The following ANK1 variants were observed in gnomAD, a reference collection of about 807,000 sequenced individuals.
ANK1 encodes the protein ankyrin-1.
Under a neutral mutation model 210.4 loss-of-function variants are expected in ANK1, and 51 were observed. That is an observed-to-expected ratio of 0.24 (90% CI 0.19 to 0.31). The LOEUF (loss-of-function observed/expected upper bound fraction) is 0.31, where lower values mean the gene tolerates loss of function less well. Ranked by LOEUF, ANK1 falls within the 10% of genes least tolerant of loss-of-function variation. ANK1 has a pLI of 1.00. For missense variants in ANK1, 2,051 were observed against 2,504.4 expected, an observed-to-expected ratio of 0.82 and a Z score of 3.86; for synonymous variants, 967 against 1,025.9, an observed-to-expected ratio of 0.94 and a Z score of 1.10.
At chr8:41,893,781 A>G (rs4737021) in intron 1 of ANK1, among the ~76,000 whole-genome samples, 99,565 of 152,166 alleles carry the variant, frequency 0.65, 34,793 homozygotes, top group African/African-American at 0.91. Context: ...AGAAACGGAA[A>G]CTGGGTCCAC....
At chr8:41,709,339 G>C (rs557587288) in intron 16 of ANK1, among the ~76,000 whole-genome samples, 128 of 152,338 alleles carry the variant, frequency 8.4e-4, no homozygotes, top group Non-Finnish European at 1.6e-3. Context: ...TAAAGAAAAA[G>C]AAACATCAGC....
At chr8:41,702,240 G>T in intron 20 of ANK1, 96 bp from the exon 21 acceptor site, 1 of 1,019,994 alleles carries the variant, frequency 9.8e-7, no homozygotes, top group Non-Finnish European at 1.5e-6. Flanking sequence ...CCTTCTAGTT[G>T]TTCAGGAGGA....
chr8:41,818,637 C>CTTCT (rs201710157), intron 1 of ANK1, among the ~76,000 whole-genome samples: 9 of 150,186 alleles, frequency 6.0e-5, no homozygotes, highest in Middle Eastern at 3.4e-3. Context: ...CTTTTTCTTT[C>CTTCT]TTCTTTCTTT....
chr8:41,721,840 C>A (rs562183647), intron 9 of ANK1, among the ~76,000 whole-genome samples: 2 of 152,072 alleles, frequency 1.3e-5, no homozygotes, highest in Non-Finnish European at 2.9e-5. Context: ...AAAGGTTGTA[C>A]GATAGTTCCC....
Position 41,686,276 on chromosome 8 carries a change from G to C in ANK1, c.4266C>G (p.Ala1422=), listed in dbSNP as rs1817656485. The C allele has an allele frequency of 6.2e-7, 1 of 1,613,648 alleles. No individual in the cohort carries two copies. Among genetic ancestry groups the C allele is most frequent in the Admixed American group, 1.7e-5 (1 of 60,014 alleles). The change falls in exon 36 of 43, where the codon GCC becomes GCG. Residue 1422 remains alanine (A), a synonymous_variant. Coordinates refer to ENST00000289734, the MANE Select transcript of ANK1 (RefSeq NM_000037.4). ...EHLGLSWAEL[A]RELQFSVEDI... The stretch of plus-strand genomic sequence containing the variant: ...CTTCCACACTGAACTGCAGCTCCCG[G>C]GCCAACTCTGCAAGCAAAGAACCAA...
intron 1 of ANK1, among the ~76,000 whole-genome samples, chr8:41,832,339 G>A (rs530527274): frequency 1.2e-3 from 187 of 151,018 alleles, no homozygotes; most frequent in Non-Finnish European, 2.2e-3. Flanking sequence ...CCAGCCTCAC[G>A]CACGGGCCAG....
chr8:41,794,720 T>C (rs1390145513), intron 1 of ANK1, among the ~76,000 whole-genome samples: 1 of 152,180 alleles, frequency 6.6e-6, no homozygotes, highest in Admixed American at 6.5e-5. Context: ...TTTGTTTGTT[T>C]TTGAGGCAGA....
chr8:41,662,776 C>T (rs374228037), intron 40 of ANK1, among the ~76,000 whole-genome samples: 2 of 152,202 alleles, frequency 1.3e-5, no homozygotes, highest in East Asian at 3.9e-4. Flanking sequence ...GAGAGCTGCG[C>T]CTAAGCAGAA....
chr8:41,693,342 C>T (rs1819819019), intron 29 of ANK1, 141 bp from the exon 30 acceptor site: 4 of 749,362 alleles, frequency 5.3e-6, no homozygotes, highest in South Asian at 4.4e-5. Flanking sequence ...CTACCCTCAC[C>T]CCGCTGCTCT....
At chr8:41,727,156 C>T (rs1310703048) in intron 5 of ANK1, 94 bp downstream of exon 5, 3 of 920,930 alleles carry the variant, frequency 3.3e-6, no homozygotes, top group Non-Finnish European at 3.6e-6. Flanking sequence ...GACATGGATG[C>T]ACCCCAAGCC....
chr8:41,807,474 C>T (rs1851136674), intron 1 of ANK1, among the ~76,000 whole-genome samples: 1 of 152,134 alleles, frequency 6.6e-6, no homozygotes, highest in South Asian at 2.1e-4. Flanking sequence ...CTGTCGTGGC[C>T]CTTTCACCTT....
At chr8:41,695,125 A>C in intron 27 of ANK1, 52 bp downstream of exon 27, 1 of 1,611,634 alleles carries the variant, frequency 6.2e-7, no homozygotes, top group East Asian at 2.2e-5. Flanking sequence ...GGTGCAACTC[A>C]AACCCCTCTT....
chr8:41,733,983 T>G lies in ANK1; in HGVS notation c.216A>C (p.Glu72Asp). The G allele has an allele frequency of 6.2e-7, 1 of 1,614,198 alleles. No individual in the cohort carries two copies. Among genetic ancestry groups the G allele is most frequent in the East Asian group, 2.2e-5 (1 of 44,888 alleles). The change falls in exon 3 of 43, where the codon GAA (glutamate) becomes GAC (aspartate). Residue 72 changes from glutamate (E) to aspartate (D), a missense_variant. Around this residue, in one of 6 missense-constraint regions of ANK1, gnomAD observed 72 missense variants for 133.5 expected, o/e 0.54. Transcript: ENST00000289734. ...CTGTGAGACATACCTTGGTTGTCGT[T>G]TCTAGAATGATTTCTTTGTGCAGAA... Reference protein sequence around the residue: ...VELLHKEIILETTTKKGNTAL... With the variant: ...VELLHKEIILDTTTKKGNTAL...
At chr8:41,760,008 G>A (rs1255629694) in intron 1 of ANK1, among the ~76,000 whole-genome samples, 6 of 152,006 alleles carry the variant, frequency 3.9e-5, no homozygotes, top group African/African-American at 1.2e-4. Context: ...AACACCAGGC[G>A]CCCCCCAACA....
rs540853007 is a variant in ANK1 at position 41,693,139 on chromosome 8, C to T, written c.3595G>A (p.Glu1199Lys). ...ACATTGGTGGTGAAGTTGGCGCACT[C>T]GTTGGCATATACAAGTTTGGTGGTT... is the stretch of plus-strand genomic sequence containing the variant. ...TGTTKLVYANECANFTTNVSA... is the reference protein window; with the variant it reads ...TGTTKLVYANKCANFTTNVSA... Residue 1199 changes from glutamate (E) to lysine (K), a missense_variant, in exon 30 of 43, where the codon GAG becomes AAG. By Grantham distance (56) the Glu-to-Lys change is moderately conservative (BLOSUM62 1). Coordinates refer to ENST00000289734, the MANE Select transcript of ANK1 (RefSeq NM_000037.4). The T allele has an allele frequency of 7.4e-6, 12 of 1,613,908 alleles. No individual in the cohort carries two copies. The highest frequency in any genetic ancestry group is 5.5e-5 in the South Asian group (5 of 91,078).
intron 3 of ANK1, among the ~76,000 whole-genome samples, chr8:41,729,553 G>A (rs1831573925): frequency 6.6e-6 from 1 of 152,156 alleles, no homozygotes; most frequent in South Asian, 2.1e-4. Flanking sequence ...ACCGTGCCCA[G>A]CCAATTTTTA....
At position 41,687,255 on chromosome 8, in the gene ANK1, C is replaced by T. The variant is rs541410539; in HGVS notation, c.4258+901G>A. ...GAGCACCGGGCTCTGGACAGAAATA[C>T]GGTTATAATTAAGCATTCACCAAGC... On this transcript the variant is annotated intron_variant, in intron 35 of 42. Transcript: ENST00000289734. Among the ~76,000 whole-genome samples, 17 of 152,362 alleles carry T rather than the reference C, an allele frequency of 1.1e-4. No individual in the cohort carries two copies. The South Asian group carries it at 2.5e-3, about 22-fold the overall frequency.
At chr8:41,718,335 C>A in intron 10 of ANK1, 131 bp from the exon 11 acceptor site, 1 of 771,162 alleles carries the variant, frequency 1.3e-6, no homozygotes. Context: ...ATAGACCAAT[C>A]AACGAATTAA....
chr8:41,739,673 G>T (rs1210668598), intron 2 of ANK1, among the ~76,000 whole-genome samples: 3 of 151,970 alleles, frequency 2.0e-5, no homozygotes, highest in Non-Finnish European at 4.4e-5. Context: ...AGGTGAGAAG[G>T]CTGAGTCAAT....
Sources: gnomAD v4.1 joint callset for allele counts (sites outside exome capture counted in the v4.1 genomes callset) on GRCh38, gnomAD v4.1.1 for gene constraint, gnomAD v4.1.1 regional missense constraint, MANE v1.5 for transcripts, NCBI Gene and HGNC (gene_info 2026-07-23, HGNC 2026-07-21) for gene names.